ZNF451: variants seen among roughly 807,000 people sequenced by gnomAD.
ZNF451 encodes zinc finger protein 451.
ZNF451 carries 80 observed loss-of-function variants against 107.1 expected under a neutral mutation model. That is an observed-to-expected ratio of 0.75 (90% CI 0.62 to 0.90). ZNF451 has a LOEUF of 0.90. ZNF451 is among the 40% of genes least tolerant of loss of function. The pLI, the probability that ZNF451 is intolerant of heterozygous loss-of-function variation, is 0.00. For synonymous variants in ZNF451, 362 were observed against 406.5 expected (o/e 0.89, Z 1.32); for missense variants, 1,107 against 1,236.2 (o/e 0.90, Z 1.57).
At chr6:57,105,616 C>G (rs556033836) in intron 3 of ZNF451, 2 of 985,366 alleles carry the variant, frequency 2.0e-6, no homozygotes, top group Non-Finnish European at 2.4e-6. Flanking sequence ...ATTTAACTAA[C>G]TAGACAGTAG....
In ZNF451 at chr6:57,134,707, T is replaced by G. The variant is rs751619288; in HGVS notation, c.576-37T>G. The G allele has an allele frequency of 4.4e-6, 7 of 1,591,440 alleles. No homozygotes were observed. The African/African-American group carries it at 9.5e-5, about 22-fold the overall frequency. ...ATAGTTGTTTCCCTAGAATGTAGAT[T>G]TATCTAATATTACCTCTTACCTCTT... On this transcript the variant is annotated intron_variant, in intron 6 of 14. Coordinates refer to ENST00000370706, the MANE Select transcript of ZNF451 (RefSeq NM_001031623.3).
Position 57,153,906 on chromosome 6 carries a change from A to G in ZNF451, c.2929A>G (p.Ile977Val). Residue 977 changes from isoleucine to valine, a missense_variant, in exon 13 of 15, where the codon ATC becomes GTC. Physicochemically the swap from Ile to Val is conservative, Grantham distance 29. Coordinates refer to ENST00000370706, the MANE Select transcript of ZNF451 (RefSeq NM_001031623.3). ...EQLPKQIPFT[I>V]LSGDQGFLEL... ...ACTACCCAAGCAAATTCCTTTCACC[A>G]TCCTCTCAGGAGATCAAGGTTTTCT... 1.9e-6 allele frequency: 3 copies of G among 1,614,186 alleles called. No homozygotes were observed. Among genetic ancestry groups the G allele is most frequent in the Non-Finnish European group, 2.5e-6 (3 of 1,180,040 alleles).
chr6:57,097,592 A>G (rs898047551), intron 2 of ZNF451, among the ~76,000 whole-genome samples: 3 of 152,238 alleles, frequency 2.0e-5, no homozygotes, highest in Non-Finnish European at 2.9e-5. Flanking sequence ...TGGTTGCCAC[A>G]TTCAGTGGCA....
rs1317579668 is a variant in ZNF451 at position 57,147,275 on chromosome 6, C to T, written c.1190C>T (p.Ser397Leu). 1 of 1,614,092 alleles carries T rather than the reference C, an allele frequency of 6.2e-7. No homozygotes were observed. The highest frequency in any genetic ancestry group is 8.5e-7 in the Non-Finnish European group (1 of 1,179,984). The change falls in exon 10 of 15, where the codon TCA becomes TTA. Residue 397 changes from serine (S) to leucine (L), a missense_variant. By Grantham distance (145) the Ser-to-Leu change is moderately radical (BLOSUM62 -2). Transcript: ENST00000370706. ...CGAGTCATTAACTCAGTGGAAGAAT[C>T]AGTCTTACTCTATTGCCACAGCAGC... ...KVRVINSVEESVLLYCHSSEG... is the reference protein window; with the variant it reads ...KVRVINSVEELVLLYCHSSEG...
chr6:57,120,952 T>C (rs1830609411), intron 3 of ZNF451, among the ~76,000 whole-genome samples: 1 of 152,182 alleles, frequency 6.6e-6, no homozygotes, highest in African/African-American at 2.4e-5. Context: ...TAAAAAGTCA[T>C]TGTCATGCAC....
At chr6:57,098,236 T>A (rs533216724) in intron 2 of ZNF451, among the ~76,000 whole-genome samples, 5 of 151,194 alleles carry the variant, frequency 3.3e-5, no homozygotes, top group Admixed American at 1.3e-4. Context: ...GTACTAAAAG[T>A]ACACAAATTA....
intron 3 of ZNF451, chr6:57,103,122 A>G (rs1330538013): frequency 1.0e-6 from 1 of 985,348 alleles, no homozygotes; most frequent in Non-Finnish European, 1.2e-6. Context: ...TACACGATCC[A>G]GGCATGCAAA....
chr6:57,156,081 C>T (rs535465310), intron 13 of ZNF451, among the ~76,000 whole-genome samples: 11 of 152,130 alleles, frequency 7.2e-5, no homozygotes, highest in African/African-American at 2.6e-4. Context: ...TGTAAAGTGT[C>T]TAGCACAGTA....
chr6:57,133,102 C>G lies in ZNF451; in HGVS notation c.485C>G (p.Thr162Arg), dbSNP rs374303703. 1 of 1,614,108 alleles carries G rather than the reference C, an allele frequency of 6.2e-7. No homozygotes were observed. The highest frequency in any genetic ancestry group is 8.5e-7 in the Non-Finnish European group (1 of 1,180,008). ...AGTTCATTCCGAAGAGGAGGCCACA[C>G]GTGGGTGTCTGGGAAACCAATTTTA... ...TKSSFRRGGH[T>R]WVSGKPILCP... The change falls in exon 6 of 15, where the codon ACG (threonine) becomes AGG (arginine). Residue 162 changes from threonine to arginine, a missense_variant. Thr to Arg is a moderately conservative substitution (Grantham distance 71). Transcript: ENST00000370706.
chr6:57,111,780 T>C (rs1830128395), intron 3 of ZNF451, among the ~76,000 whole-genome samples: 1 of 152,244 alleles, frequency 6.6e-6, no homozygotes. Context: ...TTTATAGAGA[T>C]AGATGTTGGC....
intron 3 of ZNF451, among the ~76,000 whole-genome samples, chr6:57,099,978 T>A (rs1057064006): frequency 1.4e-4 from 21 of 152,208 alleles, no homozygotes; most frequent in African/African-American, 4.8e-4. Context: ...TAGCCTCCGT[T>A]TTTTAATCAA....
intron 3 of ZNF451, among the ~76,000 whole-genome samples, chr6:57,122,756 C>T (rs1247660386): frequency 6.6e-6 from 1 of 152,168 alleles, no homozygotes; most frequent in African/African-American, 2.4e-5. Flanking sequence ...GAAAAGGGAA[C>T]ATTTATACAC....
intron 3 of ZNF451, chr6:57,103,495 A>C (rs965638165): frequency 4.1e-6 from 4 of 985,306 alleles, no homozygotes; most frequent in Non-Finnish European, 4.8e-6. Flanking sequence ...TATGTCCCAC[A>C]GTATCTTCTC....
chr6:57,166,033 T>C (rs1335909183), intron 14 of ZNF451, among the ~76,000 whole-genome samples: 1 of 145,116 alleles, frequency 6.9e-6, no homozygotes, highest in Non-Finnish European at 1.5e-5. Context: ...GCTATACTAC[T>C]TTTTTTTTTT....
intron 5 of ZNF451, among the ~76,000 whole-genome samples, chr6:57,129,250 A>G (rs916363240): frequency 1.3e-5 from 2 of 152,192 alleles, no homozygotes; most frequent in South Asian, 2.1e-4. Context: ...AGTGCAGCCT[A>G]TGTAGATATT....
At position 57,101,504 on chromosome 6, in the gene ZNF451, C is replaced by G. The variant is rs1258442983; in HGVS notation, c.186+2363C>G. 1.7e-5 allele frequency: 27 copies of G among 1,550,904 alleles called. No individual in the cohort carries two copies. The Admixed American group carries it at 5.3e-4, about 30-fold the overall frequency. On this transcript the variant is annotated intron_variant, in intron 3 of 14. Transcript: ENST00000370706. The stretch of plus-strand genomic sequence containing the variant: ...AGCAAAAGAGGAAACACAACATCCC[C>G]TCTAGATTCTACCTCAAAAGAAATG...
intron 3 of ZNF451, chr6:57,116,240 C>A (rs1830359744): frequency 6.6e-6 from 1 of 152,152 alleles, no homozygotes; most frequent in South Asian, 2.1e-4. Context: ...TACCTTGACC[C>A]CCAAAGCCAA....
At chr6:57,149,663 A>G (rs1050260235) in intron 10 of ZNF451, among the ~76,000 whole-genome samples, 1 of 152,208 alleles carries the variant, frequency 6.6e-6, no homozygotes, top group African/African-American at 2.4e-5. Flanking sequence ...TGAACTATTG[A>G]ATTTTTAGAG....
intron 10 of ZNF451, chr6:57,150,410 G>A (rs1832288091): frequency 9.8e-6 from 2 of 203,172 alleles, no homozygotes; most frequent in Admixed American, 5.8e-5. Context: ...AGTTCTTCTA[G>A]TACATTAATT....
Sources: allele counts gnomAD v4.1 joint callset (sites outside exome capture counted in the v4.1 genomes callset), GRCh38; gene constraint gnomAD v4.1.1; transcripts MANE v1.5; gene names NCBI Gene and HGNC (gene_info 2026-07-23, HGNC 2026-07-21).